STX7: variants seen among roughly 807,000 people sequenced by gnomAD.
STX7 encodes the protein syntaxin 7.
In STX7, 34 loss-of-function variants were observed where a neutral mutation model predicts 39.6. That is an observed-to-expected ratio of 0.86 (90% CI 0.65 to 1.14). The LOEUF (loss-of-function observed/expected upper bound fraction) is 1.14, where lower values mean the gene tolerates loss of function less well. STX7 is among the 50% of genes most tolerant of loss of function. STX7 has a pLI of 0.00. For missense variants in STX7, 284 were observed against 310.4 expected, an observed-to-expected ratio of 0.92 and a Z score of 0.64; for synonymous variants, 119 against 99.1, an observed-to-expected ratio of 1.20 and a Z score of -1.19.
intron 2 of STX7, among the ~76,000 whole-genome samples, chr6:132,497,759 A>G (rs557445558): frequency 6.6e-6 from 1 of 152,336 alleles, no homozygotes; most frequent in South Asian, 2.1e-4. Flanking sequence ...ATAAACCCAC[A>G]AAGGCTTGCT....
Position 132,448,451 on chromosome 6 carries a change from T to C in STX7, c.*12307A>G, listed in dbSNP as rs774585163. 4 of 152,210 alleles carry C rather than the reference T, an allele frequency of 2.6e-5. No individual in the cohort carries two copies. The highest frequency in any genetic ancestry group is 6.5e-5 in the Admixed American group (1 of 15,274). The allele number at this position is 152,210 out of a possible 1,614,324, so 9.4% of individuals were successfully genotyped here. A position where few individuals can be genotyped will look rare whatever the true frequency, so the allele number is the denominator to read the frequency against. Reference sequence around the variant, plus strand: ...ATATACCCTTGATTTTGAAAGATAATTTCACTGGGCACTCATTCTATTGAG... The same window carrying C: ...ATATACCCTTGATTTTGAAAGATAACTTCACTGGGCACTCATTCTATTGAG... On this transcript the variant is annotated 3_prime_UTR_variant, in exon 10 of 10. Coordinates refer to ENST00000367941, the MANE Select transcript of STX7 (RefSeq NM_003569.3).
At chr6:132,479,180 A>G (rs774679559) in intron 2 of STX7, among the ~76,000 whole-genome samples, 2 of 152,242 alleles carry the variant, frequency 1.3e-5, no homozygotes, top group African/African-American at 2.4e-5. Context: ...CAAATGAGAA[A>G]CAGACTTTTT....
chr6:132,468,393 C>T lies in STX7; in HGVS notation c.610+10G>A. The stretch of plus-strand genomic sequence containing the variant: ...CTCTCACCTCCAAAATCTAAGTCAG[C>T]AGGTCTTACCTATTACATCTCCTTG... On this transcript the variant is annotated intron_variant, in intron 8 of 9. Transcript: ENST00000367941. 4 of 1,603,966 alleles carry T rather than the reference C, an allele frequency of 2.5e-6. No individual in the cohort carries two copies. Among genetic ancestry groups the T allele is most frequent in the Non-Finnish European group, 3.4e-6 (4 of 1,173,706 alleles).
intron 2 of STX7, among the ~76,000 whole-genome samples, chr6:132,483,472 A>G (rs1775059171): frequency 6.6e-6 from 1 of 152,200 alleles, no homozygotes; most frequent in Non-Finnish European, 1.5e-5. Context: ...TTTCCATTGA[A>G]CATGCATGTA....
chr6:132,490,401 C>T (rs1351865372), intron 2 of STX7, among the ~76,000 whole-genome samples: 1 of 152,144 alleles, frequency 6.6e-6, no homozygotes, highest in East Asian at 1.9e-4. Context: ...CACTGAAAAT[C>T]GATTTCTGCT....
rs1774184474 is a variant in STX7 at position 132,453,587 on chromosome 6, A to C, written c.*7171T>G. On this transcript the variant is annotated 3_prime_UTR_variant, in exon 10 of 10. Transcript: ENST00000367941. ...ATTATTTAAAAGCCCTCAAAACTCAACAGAAAAAAAATCCAATTAGAAAAG... is the reference window on the plus strand; with the variant it reads ...ATTATTTAAAAGCCCTCAAAACTCACCAGAAAAAAAATCCAATTAGAAAAG... The C allele has an allele frequency of 6.6e-6, 1 of 151,884 alleles. No individual in the cohort carries two copies. The highest frequency in any genetic ancestry group is 2.1e-4 in the South Asian group (1 of 4,812). The allele number at this position is 151,884 out of a possible 1,614,324, so 9.4% of individuals were successfully genotyped here.
chr6:132,486,785 T>C (rs1037310358), intron 2 of STX7, among the ~76,000 whole-genome samples: 3 of 151,180 alleles, frequency 2.0e-5, no homozygotes, highest in Admixed American at 2.0e-4. Flanking sequence ...CCTGCCTCAG[T>C]CTCCCAAGTA....
intron 3 of STX7, among the ~76,000 whole-genome samples, chr6:132,473,517 G>GTTTTTTTTTTTTTTT (rs752590497): frequency 8.0e-6 from 1 of 125,784 alleles, no homozygotes; most frequent in African/African-American, 3.0e-5. Context: ...TTATTATTGT[G>GTTTTTTTTTTTTTTT]TTGTTTTTTT....
Position 132,454,628 on chromosome 6 carries a change from A to G in STX7, c.*6130T>C, listed in dbSNP as rs1287007032. On this transcript the variant is annotated 3_prime_UTR_variant, in exon 10 of 10. Transcript: ENST00000367941. ...AAGGAAAGTATTGGTCACATACTCC[A>G]TTCTAGATTTAAAGAAAATTTAAAA... 6.6e-6 allele frequency: 1 copy of G among 152,196 alleles called. No individual in the cohort carries two copies. Among genetic ancestry groups the G allele is most frequent in the Admixed American group, 6.5e-5 (1 of 15,276 alleles). 9.4% of individuals were successfully genotyped at this position (152,196 alleles called of 1,614,324 possible).
intron 9 of STX7, among the ~76,000 whole-genome samples, chr6:132,463,064 A>C (rs1774452304): frequency 2.6e-5 from 4 of 152,132 alleles, no homozygotes; most frequent in Admixed American, 2.0e-4. Context: ...TCTACAAAAA[A>C]TACAAAAATT....
In STX7 at chr6:132,459,057, T is replaced by C. The variant is rs1774321596; in HGVS notation, c.*1701A>G. On this transcript the variant is annotated 3_prime_UTR_variant, in exon 10 of 10. Transcript: ENST00000367941. ...CTTTAAAACAGCGGTAAGACGCTGGTTTATCACCAGAAACCTCATGTGCCT... is the reference window on the plus strand; with the variant it reads ...CTTTAAAACAGCGGTAAGACGCTGGCTTATCACCAGAAACCTCATGTGCCT... 6.6e-6 allele frequency: 1 copy of C among 152,092 alleles called. No individual in the cohort carries two copies. Among genetic ancestry groups the C allele is most frequent in the South Asian group, 2.1e-4 (1 of 4,822 alleles). 9.4% of individuals were successfully genotyped at this position (152,092 alleles called of 1,614,324 possible). A position where few individuals can be genotyped will look rare whatever the true frequency, so the allele number is the denominator to read the frequency against.
intron 6 of STX7, among the ~76,000 whole-genome samples, chr6:132,470,330 A>AT (rs1774682473): frequency 6.6e-6 from 1 of 152,132 alleles, no homozygotes; most frequent in South Asian, 2.1e-4. Flanking sequence ...TAAACCTCAT[A>AT]TAAGGGAATG....
At chr6:132,504,140 T>C (rs1463685666) in intron 1 of STX7, among the ~76,000 whole-genome samples, 1 of 152,154 alleles carries the variant, frequency 6.6e-6, no homozygotes, top group Non-Finnish European at 1.5e-5. Context: ...ATGGTAAAAA[T>C]GGCAATTACT....
intron 2 of STX7, 100 bp from the exon 3 acceptor site, chr6:132,475,762 GAC>G (rs2114392704): frequency 1.8e-6 from 1 of 549,616 alleles, no homozygotes; most frequent in Non-Finnish European, 2.9e-6. Flanking sequence ...GTTGAAAAGA[GAC>G]AGAAAAACAA....
At position 132,484,552 on chromosome 6, in the gene STX7, T is replaced by C. The variant is rs142467643; in HGVS notation, c.86-8890A>G. Among the ~76,000 whole-genome samples the C allele has an allele frequency of 1.3e-4, 20 of 152,260 alleles. 1 individual carries two copies. The East Asian group carries it at 3.7e-3, about 28-fold the overall frequency. On this transcript the variant is annotated intron_variant, in intron 2 of 9. Coordinates refer to ENST00000367941, the MANE Select transcript of STX7 (RefSeq NM_003569.3). ...ACCTAACACACACACAGAGTACCTT[T>C]AAAGAACTGTCTCCAAATAACTAAG...
chr6:132,489,612 GGAAGGGAGATGGA>G (rs1775226902), intron 2 of STX7, among the ~76,000 whole-genome samples: 1 of 152,184 alleles, frequency 6.6e-6, no homozygotes, highest in South Asian at 2.1e-4. Context: ...AGAAAGTGTG[GGAAGGGAGATGGA>G]GAAGGATCTT....
intron 1 of STX7, among the ~76,000 whole-genome samples, chr6:132,506,015 T>C (rs936695557): frequency 2.3e-4 from 35 of 151,832 alleles, no homozygotes; most frequent in Non-Finnish European, 4.0e-4. Flanking sequence ...TTTCAATACA[T>C]GGTGCTGGGA....
chr6:132,473,499 T>A (rs1774788601), intron 3 of STX7, among the ~76,000 whole-genome samples: 1 of 143,774 alleles, frequency 7.0e-6, no homozygotes, highest in East Asian at 2.3e-4. Flanking sequence ...ATAGTTCAGT[T>A]TTTTTTTTTA....
At chr6:132,509,765 T>C (rs1775802319) in intron 1 of STX7, among the ~76,000 whole-genome samples, 1 of 152,120 alleles carries the variant, frequency 6.6e-6, no homozygotes, top group Non-Finnish European at 1.5e-5. Context: ...TGGTTGTCTT[T>C]AAAAAATATA....
Sources: gnomAD v4.1 joint callset for allele counts (sites outside exome capture counted in the v4.1 genomes callset) on GRCh38, gnomAD v4.1.1 for gene constraint, MANE v1.5 for transcripts, NCBI Gene and HGNC (gene_info 2026-07-23, HGNC 2026-07-21) for gene names.